FRRS1: variants seen among roughly 807,000 people sequenced by gnomAD.
FRRS1 encodes the protein ferric chelate reductase 1.
Under a neutral mutation model 70.7 loss-of-function variants are expected in FRRS1, and 51 were observed. The observed-to-expected ratio is 0.72, with a 90% confidence interval of 0.58 to 0.91. The LOEUF (loss-of-function observed/expected upper bound fraction) is 0.91, where lower values mean the gene tolerates loss of function less well. FRRS1 is among the 40% of genes least tolerant of loss of function. FRRS1 has a pLI of 0.00. For synonymous variants in FRRS1, 225 were observed against 238.7 expected, an observed-to-expected ratio of 0.94 and a Z score of 0.53; for missense variants, 672 against 726.0, an observed-to-expected ratio of 0.93 and a Z score of 0.86.
chr1:99,715,348 G>A (rs534097316), intron 12 of FRRS1, among the ~76,000 whole-genome samples: 11 of 152,082 alleles, frequency 7.2e-5, no homozygotes, highest in Non-Finnish European at 1.3e-4. Flanking sequence ...TAAGGCTATA[G>A]CATGTATATA....
chr1:99,718,889 A>T (rs1654665676), intron 10 of FRRS1, among the ~76,000 whole-genome samples: 1 of 152,190 alleles, frequency 6.6e-6, no homozygotes, highest in African/African-American at 2.4e-5. Context: ...ACCCAGTAAC[A>T]CTTGACCCTG....
At chr1:99,742,147 C>G (rs1027092243) in intron 5 of FRRS1, 32 bp downstream of exon 5, 2 of 1,370,102 alleles carry the variant, frequency 1.5e-6, no homozygotes, top group African/African-American at 1.4e-5. Context: ...AGCCACCATG[C>G]CTGGCCCAGA....
chr1:99,715,642 C>T lies in FRRS1; in HGVS notation c.1267G>A (p.Val423Ile). 6.2e-7 allele frequency: 1 copy of T among 1,613,422 alleles called. No individual in the cohort carries two copies. Among genetic ancestry groups the T allele is most frequent in the Non-Finnish European group, 8.5e-7 (1 of 1,179,454 alleles). The change falls in exon 12 of 17, where the codon GTC becomes ATC. Residue 423 changes from valine to isoleucine, a missense_variant. Transcript: ENST00000646001. ...ATAACAAAAGCAATGCAGGTGAGGA[C>T]AGTTGTGGTGAACATGAGCATCCGA... ...VHRMLMFTTT[V>I]LTCIAFVMPF...
intron 9 of FRRS1, among the ~76,000 whole-genome samples, chr1:99,721,902 A>C (rs1654848731): frequency 6.6e-6 from 1 of 152,046 alleles, no homozygotes; most frequent in Non-Finnish European, 1.5e-5. Flanking sequence ...CGGTCGAAAA[A>C]TTCTTTTTAA....
At chr1:99,734,484 T>C (rs1192712931) in intron 7 of FRRS1, among the ~76,000 whole-genome samples, 1 of 122,244 alleles carries the variant, frequency 8.2e-6, no homozygotes, top group African/African-American at 4.7e-5. Flanking sequence ...AAGTGGCAAA[T>C]CTAGGTGAAG....
chr1:99,723,864 G>GA, intron 9 of FRRS1, among the ~76,000 whole-genome samples: 1 of 152,256 alleles, frequency 6.6e-6, no homozygotes, highest in South Asian at 2.1e-4. Flanking sequence ...TTATAAAGCA[G>GA]AAAATGAGAA....
At chr1:99,717,603 A>G in intron 10 of FRRS1, 78 bp from the exon 11 acceptor site, 1 of 934,998 alleles carries the variant, frequency 1.1e-6, no homozygotes, top group Non-Finnish European at 1.7e-6. Flanking sequence ...CCAAATGCTC[A>G]GAAAATATAA....
chr1:99,747,474 C>CA lies in FRRS1; in HGVS notation c.197-45dup, dbSNP rs535935017. On this transcript the variant is annotated intron_variant, in intron 3 of 16. Coordinates refer to ENST00000646001, the MANE Select transcript of FRRS1 (RefSeq NM_001361041.2). ...GGTTGGTTAAAAAGCTTAGTAATAT[C>CA]AAAAAAAAATGTTTAGAGGTTGTAC... 9.4e-3 allele frequency: 14,479 copies of CA among 1,532,340 alleles called. 116 individuals are homozygous for CA. The highest frequency in any genetic ancestry group is 0.025 in the African/African-American group (1,809 of 71,020). The allele number at this position is 1,532,340 out of a possible 1,614,324, so 94.9% of individuals were successfully genotyped here.
chr1:99,729,709 T>C lies in FRRS1; in HGVS notation c.799A>G (p.Thr267Ala). 1 of 1,613,536 alleles carries C rather than the reference T, an allele frequency of 6.2e-7. No individual in the cohort carries two copies. Among genetic ancestry groups the C allele is most frequent in the Admixed American group, 1.7e-5 (1 of 60,014 alleles). Residue 267 changes from threonine to alanine, a missense_variant, in exon 8 of 17, where the codon ACT becomes GCT. Transcript: ENST00000646001. ...DAYLCIHEDQ[T>A]VYIQPSHLTG... ...AAATGGGAAGGCTGGATGTACACAG[T>C]CTGATCTTCATGAATACACAGATAA...
rs577105727 is a variant in FRRS1, at chr1:99,735,397, T to C, written c.759+2689A>G. Among the ~76,000 whole-genome samples, 11 of 152,190 alleles carry C rather than the reference T, an allele frequency of 7.2e-5. No homozygotes were observed. The East Asian group carries it at 2.1e-3, about 29-fold the overall frequency. ...TGCTAACATTAATTTACAAGCCAAA[T>C]TGAAAAAGGGGTATAATTTAGGTTA... On this transcript the variant is annotated intron_variant, in intron 7 of 16. Coordinates refer to ENST00000646001, the MANE Select transcript of FRRS1 (RefSeq NM_001361041.2).
chr1:99,723,790 T>C (rs1176472553), intron 9 of FRRS1, among the ~76,000 whole-genome samples: 2 of 152,144 alleles, frequency 1.3e-5, no homozygotes, highest in African/African-American at 2.4e-5. Context: ...ACATGGACTA[T>C]TCAAAAAAAT....
chr1:99,723,758 A>T (rs1654948462), intron 9 of FRRS1, among the ~76,000 whole-genome samples: 1 of 152,230 alleles, frequency 6.6e-6, no homozygotes, highest in Admixed American at 6.5e-5. Context: ...TATGATAAAG[A>T]GGCTTTTAAA....
At chr1:99,709,165 AGG>A (rs763654765) in intron 16 of FRRS1, 31 bp downstream of exon 16, 1 of 1,607,304 alleles carries the variant, frequency 6.2e-7, no homozygotes, top group South Asian at 1.1e-5. Flanking sequence ...ATTACCATTA[AGG>A]TTTGTGTCAA....
At chr1:99,736,482 TG>T (rs371554505) in intron 7 of FRRS1, among the ~76,000 whole-genome samples, 7 of 152,126 alleles carry the variant, frequency 4.6e-5, no homozygotes, top group African/African-American at 1.7e-4. Flanking sequence ...CATACTGAAA[TG>T]GTATCCTACA....
intron 10 of FRRS1, among the ~76,000 whole-genome samples, 184 bp from the exon 11 acceptor site, chr1:99,717,709 C>G (rs549743454): frequency 1.3e-5 from 2 of 152,344 alleles, no homozygotes; most frequent in Admixed American, 1.3e-4. Flanking sequence ...ACAGCAAACA[C>G]TTCTACAGCT....
chr1:99,727,673 C>T (rs1404339220), intron 9 of FRRS1, among the ~76,000 whole-genome samples: 3 of 152,198 alleles, frequency 2.0e-5, no homozygotes, highest in African/African-American at 7.2e-5. Flanking sequence ...CTCTAGACAT[C>T]TACCTTCTCG....
At chr1:99,734,954 A>G (rs372298704) in intron 7 of FRRS1, among the ~76,000 whole-genome samples, 5 of 152,308 alleles carry the variant, frequency 3.3e-5, no homozygotes, top group African/African-American at 1.2e-4. Flanking sequence ...GAATAAGATG[A>G]TACAGCGCAG....
intron 7 of FRRS1, among the ~76,000 whole-genome samples, chr1:99,735,963 G>T (rs1049271595): frequency 6.6e-6 from 1 of 152,268 alleles, no homozygotes; most frequent in Middle Eastern, 3.4e-3. Context: ...AGTGGCTAGA[G>T]CATATATCTA....
chr1:99,744,034 A>G (rs1656106715), intron 4 of FRRS1, among the ~76,000 whole-genome samples: 1 of 151,510 alleles, frequency 6.6e-6, no homozygotes, highest in African/African-American at 2.4e-5. Flanking sequence ...CGCCATATCA[A>G]GATAAATGAA....
Sources: gnomAD v4.1 joint callset for allele counts (sites outside exome capture counted in the v4.1 genomes callset) on GRCh38, gnomAD v4.1.1 for gene constraint, MANE v1.5 for transcripts, NCBI Gene and HGNC (gene_info 2026-07-23, HGNC 2026-07-21) for gene names.